RHOJ: variants seen among roughly 807,000 people sequenced by gnomAD.
RHOJ encodes the protein ras homolog family member J.
RHOJ carries 11 observed loss-of-function variants against 23.4 expected under a neutral mutation model. That is an observed-to-expected ratio of 0.47 (90% CI 0.30 to 0.78). RHOJ has a LOEUF of 0.78. RHOJ is among the 30% of genes least tolerant of loss of function. The pLI is 0.08. For synonymous variants in RHOJ, 102 were observed against 102.7 expected, an observed-to-expected ratio of 0.99 and a Z score of 0.04; for missense variants, 254 against 273.4, an observed-to-expected ratio of 0.93 and a Z score of 0.50.
intron 1 of RHOJ, among the ~76,000 whole-genome samples, chr14:63,206,754 G>A (rs1894117761): frequency 3.9e-5 from 6 of 152,128 alleles, no homozygotes; most frequent in Admixed American, 3.9e-4. Context: ...ATAATTTTAT[G>A]TTTTAATAAT....
Position 63,292,305 on chromosome 14 carries a change from T to C in RHOJ, c.*1281T>C, listed in dbSNP as rs1882278375. The C allele has an allele frequency of 6.6e-6, 1 of 152,148 alleles. No homozygotes were observed. Among genetic ancestry groups the C allele is most frequent in the Non-Finnish European group, 1.5e-5 (1 of 68,010 alleles). 9.4% of individuals were successfully genotyped at this position (152,148 alleles called of 1,614,324 possible). On this transcript the variant is annotated 3_prime_UTR_variant, in exon 5 of 5. Transcript: ENST00000316754. ...TCCATTTGTCCCCTGCCCTCCACAA[T>C]GTGTGACATAGAACAGGGACTTTGG...
At chr14:63,276,810 A>G (rs1374320942) in intron 2 of RHOJ, among the ~76,000 whole-genome samples, 1 of 152,234 alleles carries the variant, frequency 6.6e-6, no homozygotes, top group Non-Finnish European at 1.5e-5. Context: ...CTGGGTTAAA[A>G]AATCAGACAA....
At chr14:63,261,105 T>G (rs572208705) in intron 1 of RHOJ, among the ~76,000 whole-genome samples, 1 of 152,240 alleles carries the variant, frequency 6.6e-6, no homozygotes, top group Non-Finnish European at 1.5e-5. Context: ...GTATTTCTTC[T>G]CTTCGTCATT....
chr14:63,224,944 A>G (rs1362655320), intron 1 of RHOJ, among the ~76,000 whole-genome samples: 1 of 133,638 alleles, frequency 7.5e-6, no homozygotes, highest in African/African-American at 2.7e-5. Flanking sequence ...ATAAACTATC[A>G]TTTATACTTT....
intron 1 of RHOJ, among the ~76,000 whole-genome samples, chr14:63,221,431 T>C (rs1235804673): frequency 6.6e-6 from 1 of 152,216 alleles, no homozygotes; most frequent in Non-Finnish European, 1.5e-5. Context: ...TTAGAGTAGG[T>C]ACTTGGTAAT....
chr14:63,255,190 A>T (rs74059344), intron 1 of RHOJ, among the ~76,000 whole-genome samples: 3,862 of 151,998 alleles, frequency 0.025, 160 homozygotes, highest in African/African-American at 0.084. Context: ...CCCTCTTGGG[A>T]GGTTCTTCCC....
At chr14:63,276,082 T>G (rs1301027941) in intron 2 of RHOJ, among the ~76,000 whole-genome samples, 2 of 152,208 alleles carry the variant, frequency 1.3e-5, no homozygotes, top group Admixed American at 1.3e-4. Flanking sequence ...TCTTAAACCA[T>G]AAAACTGGCT....
At chr14:63,277,090 G>A (rs1881742168) in intron 2 of RHOJ, among the ~76,000 whole-genome samples, 1 of 152,166 alleles carries the variant, frequency 6.6e-6, no homozygotes, top group South Asian at 2.1e-4. Flanking sequence ...TTTAAATTCT[G>A]AGCTGCAGAA....
chr14:63,247,950 G>A (rs1037257638), intron 1 of RHOJ, among the ~76,000 whole-genome samples: 27 of 152,040 alleles, frequency 1.8e-4, no homozygotes, highest in Admixed American at 9.8e-4. Context: ...AAAGGGAAAC[G>A]CCTTATAAAA....
chr14:63,262,940 G>A (rs970515729), intron 1 of RHOJ, among the ~76,000 whole-genome samples: 1 of 152,214 alleles, frequency 6.6e-6, no homozygotes, highest in Non-Finnish European at 1.5e-5. Flanking sequence ...CAGTTAATGT[G>A]CACTGAGTAT....
chr14:63,214,998 G>T lies in RHOJ; in HGVS notation c.178+9951G>T, dbSNP rs1396569228. Reference sequence around the variant, plus strand: ...AACAGGAAAGAGCCTGGGATCTTTGGGGTGGTTTTGATGCAGTTGTGTTTT... The same window carrying T: ...AACAGGAAAGAGCCTGGGATCTTTGTGGTGGTTTTGATGCAGTTGTGTTTT... On this transcript the variant is annotated intron_variant, in intron 1 of 4. Coordinates refer to ENST00000316754, the MANE Select transcript of RHOJ (RefSeq NM_020663.5). Among the ~76,000 whole-genome samples the T allele has an allele frequency of 3.9e-5, 6 of 152,128 alleles. No homozygotes were observed. The East Asian group carries it at 1.2e-3, about 29-fold the overall frequency.
At chr14:63,287,599 GTTT>G (rs200884009) in intron 4 of RHOJ, among the ~76,000 whole-genome samples, 235 of 139,372 alleles carry the variant, frequency 1.7e-3, no homozygotes, top group African/African-American at 5.9e-3. Context: ...AGTCATTACG[GTTT>G]TTTTTTTTTT....
At chr14:63,285,864 T>C (rs1053293887) in intron 4 of RHOJ, among the ~76,000 whole-genome samples, 7 of 152,220 alleles carry the variant, frequency 4.6e-5, no homozygotes, top group African/African-American at 1.2e-4. Context: ...TTCTATCTAA[T>C]ACAGTCTAAA....
At chr14:63,257,402 T>C (rs1015613938) in intron 1 of RHOJ, among the ~76,000 whole-genome samples, 1 of 149,842 alleles carries the variant, frequency 6.7e-6, no homozygotes, top group South Asian at 2.1e-4. Flanking sequence ...CAGAATTCAT[T>C]TGGGTTTTCC....
Position 63,247,437 on chromosome 14 carries a change from A to G in RHOJ, c.179-21673A>G, listed in dbSNP as rs568263926. ...CTTTTCTCTTTCCTGTAGCCCTACAATCTAGTGTGTTCTAGTGAGTAGGTG... is the reference window on the plus strand; with the variant it reads ...CTTTTCTCTTTCCTGTAGCCCTACAGTCTAGTGTGTTCTAGTGAGTAGGTG... On this transcript the variant is annotated intron_variant, in intron 1 of 4. Transcript: ENST00000316754. 3.9e-5 allele frequency among the ~76,000 whole-genome samples: 6 copies of G among 152,288 alleles called. No homozygotes were observed. In the East Asian group the frequency reaches 1.2e-3, roughly 29 times the overall value.
At chr14:63,211,825 C>T (rs909394792) in intron 1 of RHOJ, among the ~76,000 whole-genome samples, 6 of 152,162 alleles carry the variant, frequency 3.9e-5, no homozygotes, top group African/African-American at 1.4e-4. Flanking sequence ...AGATACTACT[C>T]TATTTCCCTC....
At chr14:63,238,879 A>G (rs1894835664) in intron 1 of RHOJ, among the ~76,000 whole-genome samples, 1 of 152,172 alleles carries the variant, frequency 6.6e-6, no homozygotes. Flanking sequence ...AATGCTGGAA[A>G]TGAGGATGAT....
intron 1 of RHOJ, among the ~76,000 whole-genome samples, chr14:63,257,236 CAAAAAAAAAAAAA>C (rs11463617): frequency 2.0e-5 from 1 of 49,106 alleles, no homozygotes; most frequent in African/African-American, 8.3e-5. Flanking sequence ...AGACTGTCTC[CAAAAAAAAAAAAA>C]AAAAAAAAAG....
At chr14:63,244,890 G>A (rs1894948896) in intron 1 of RHOJ, among the ~76,000 whole-genome samples, 1 of 152,168 alleles carries the variant, frequency 6.6e-6, no homozygotes, top group Non-Finnish European at 1.5e-5. Context: ...TCTTGTCTCT[G>A]ATTGTGTCCA....
Sources: gnomAD v4.1 joint callset for allele counts (sites outside exome capture counted in the v4.1 genomes callset) on GRCh38, gnomAD v4.1.1 for gene constraint, MANE v1.5 for transcripts, NCBI Gene and HGNC (gene_info 2026-07-23, HGNC 2026-07-21) for gene names.